Variants in FAM193A observed in about 807,000 individuals in gnomAD.
FAM193A encodes the protein protein FAM193A.
FAM193A carries 22 observed loss-of-function variants against 126.5 expected under a neutral mutation model. That is an observed-to-expected ratio of 0.17 (90% CI 0.12 to 0.25). The LOEUF (loss-of-function observed/expected upper bound fraction) is 0.25, where lower values mean the gene tolerates loss of function less well. FAM193A is among the 10% of genes least tolerant of loss of function. The pLI is 1.00. For synonymous variants in FAM193A, 761 were observed against 646.8 expected, an observed-to-expected ratio of 1.18 and a Z score of -2.68; for missense variants, 1,675 against 1,672.8, an observed-to-expected ratio of 1.00 and a Z score of -0.02.
At chr4:2,707,098 G>A (rs966089741) in intron 19 of FAM193A, among the ~76,000 whole-genome samples, 1 of 151,968 alleles carries the variant, frequency 6.6e-6, no homozygotes, top group Non-Finnish European at 1.5e-5. Flanking sequence ...CTCCAGCCGA[G>A]GCAACAGAGT....
At chr4:2,612,749 A>G (rs1456761707) in intron 2 of FAM193A, among the ~76,000 whole-genome samples, 1 of 152,198 alleles carries the variant, frequency 6.6e-6, no homozygotes, top group Non-Finnish European at 1.5e-5. Flanking sequence ...GTATGGATCT[A>G]TTATTGGATG....
chr4:2,700,266 C>G lies in FAM193A; in HGVS notation c.4094C>G (p.Ser1365Cys). The G allele has an allele frequency of 6.2e-7, 1 of 1,614,040 alleles. No individual in the cohort carries two copies. Among genetic ancestry groups the G allele is most frequent in the Non-Finnish European group, 8.5e-7 (1 of 1,180,014 alleles). The change falls in exon 19 of 21, where the codon TCC becomes TGC. Residue 1365 changes from serine (S) to cysteine (C), a missense_variant. This residue lies in a region of FAM193A where 415 missense variants were observed against 396.7 expected (regional missense o/e 1.05). Coordinates refer to ENST00000637812, the MANE Select transcript of FAM193A (RefSeq NM_001366318.2). ...TEPPKATEGQ[S>C]KPRAQTESKA... is the part of the protein sequence containing the mutation. ...CCCCCCAAGGCCACAGAGGGGCAGT[C>G]CAAGCCCCGGGCCCAGACTGAGTCA...
chr4:2,609,908 A>G (rs569496109), intron 2 of FAM193A, among the ~76,000 whole-genome samples: 1 of 150,066 alleles, frequency 6.7e-6, no homozygotes, highest in South Asian at 2.1e-4. Flanking sequence ...CAGCCTAATG[A>G]CAGAGCGAGA....
At chr4:2,672,429 T>A in intron 13 of FAM193A, 57 bp downstream of exon 13, 1 of 1,583,776 alleles carries the variant, frequency 6.3e-7, no homozygotes. Context: ...CCTACAGGAG[T>A]ACATAGTCAA....
chr4:2,562,654 G>C (rs1377681426), intron 1 of FAM193A, among the ~76,000 whole-genome samples: 1 of 149,640 alleles, frequency 6.7e-6, no homozygotes, highest in South Asian at 2.1e-4. Flanking sequence ...TTTTTTAGAC[G>C]GAGTCTTGCT....
At chr4:2,602,806 G>A (rs1442689556) in intron 2 of FAM193A, among the ~76,000 whole-genome samples, 2 of 150,520 alleles carry the variant, frequency 1.3e-5, no homozygotes, top group Non-Finnish European at 1.5e-5. Flanking sequence ...GACTACAGGC[G>A]CCCACCACCA....
intron 2 of FAM193A, among the ~76,000 whole-genome samples, chr4:2,605,879 G>A (rs1480407837): frequency 1.4e-5 from 2 of 139,514 alleles, no homozygotes; most frequent in East Asian, 2.3e-4. Flanking sequence ...GCTGAGGCAG[G>A]AGAATCACTT....
chr4:2,561,695 C>T (rs1009363098), intron 1 of FAM193A, among the ~76,000 whole-genome samples: 10 of 151,812 alleles, frequency 6.6e-5, no homozygotes, highest in South Asian at 2.1e-4. Context: ...CGGGGTTTCA[C>T]CGTGTTGGCC....
intron 1 of FAM193A, among the ~76,000 whole-genome samples, chr4:2,584,605 TAC>T (rs1366262337): frequency 2.0e-5 from 3 of 152,140 alleles, no homozygotes; most frequent in African/African-American, 7.2e-5. Flanking sequence ...ACTACTCGAT[TAC>T]AGTTTCCTTT....
intron 2 of FAM193A, among the ~76,000 whole-genome samples, chr4:2,603,226 C>G (rs1014932950): frequency 6.7e-6 from 1 of 149,946 alleles, no homozygotes; most frequent in South Asian, 2.1e-4. Context: ...GTCTCGTGAC[C>G]TGCCCACCTC....
At chr4:2,683,928 G>T (rs537410136) in intron 13 of FAM193A, among the ~76,000 whole-genome samples, 1 of 152,268 alleles carries the variant, frequency 6.6e-6, no homozygotes, top group Non-Finnish European at 1.5e-5. Context: ...GCAGCTCCCT[G>T]ACTCTTTCCT....
chr4:2,699,740 G>A lies in FAM193A; in HGVS notation c.3568G>A (p.Glu1190Lys), dbSNP rs1461301172. The A allele has an allele frequency of 6.2e-7, 1 of 1,613,962 alleles. No homozygotes were observed. The highest frequency in any genetic ancestry group is 8.5e-7 in the Non-Finnish European group (1 of 1,179,992). Residue 1190 changes from glutamate (E) to lysine (K), a missense_variant, in exon 19 of 21, where the codon GAG (glutamate) becomes AAG (lysine). Around this residue, in one of 4 missense-constraint regions of FAM193A, gnomAD observed 415 missense variants for 396.7 expected, o/e 1.05. Transcript: ENST00000637812. ...ARAREHLHLQEEQRRREEEED... is the reference protein window; with the variant it reads ...ARAREHLHLQKEQRRREEEED... ...GGCCCGGGAGCACCTGCACCTCCAGGAGGAGCAGAGGCGGCGGGAGGAGGA... is the reference window on the plus strand; with the variant it reads ...GGCCCGGGAGCACCTGCACCTCCAGAAGGAGCAGAGGCGGCGGGAGGAGGA...
chr4:2,541,756 T>C (rs756779895), intron 1 of FAM193A, among the ~76,000 whole-genome samples: 27 of 152,268 alleles, frequency 1.8e-4, no homozygotes, highest in Non-Finnish European at 3.2e-4. Flanking sequence ...TTGTGTACTA[T>C]TGAGTTGTGT....
At chr4:2,541,323 ACT>A (rs1163573041) in intron 1 of FAM193A, among the ~76,000 whole-genome samples, 2 of 152,078 alleles carry the variant, frequency 1.3e-5, no homozygotes, top group East Asian at 1.9e-4. Context: ...CAAAAGCGAA[ACT>A]CTGTCTCAAA....
chr4:2,632,947 G>A (rs940161656), intron 5 of FAM193A, among the ~76,000 whole-genome samples: 1 of 152,232 alleles, frequency 6.6e-6, no homozygotes, highest in Non-Finnish European at 1.5e-5. Flanking sequence ...GACTCTGGTA[G>A]TGAAGACAGC....
At chr4:2,597,194 C>T (rs769868710) in intron 2 of FAM193A, among the ~76,000 whole-genome samples, 1 of 152,158 alleles carries the variant, frequency 6.6e-6, no homozygotes, top group African/African-American at 2.4e-5. Flanking sequence ...CGGCCCCTCC[C>T]GCATGTCCCG....
chr4:2,552,573 C>T (rs1197441518), intron 1 of FAM193A, among the ~76,000 whole-genome samples: 1 of 152,054 alleles, frequency 6.6e-6, no homozygotes, highest in Non-Finnish European at 1.5e-5. Flanking sequence ...GAGTCTCGCT[C>T]TGTCCCCATG....
At chr4:2,541,518 T>A (rs1737232297) in intron 1 of FAM193A, among the ~76,000 whole-genome samples, 1 of 148,770 alleles carries the variant, frequency 6.7e-6, no homozygotes, top group Non-Finnish European at 1.5e-5. Flanking sequence ...TGATCTTGAC[T>A]CACTGCAACC....
intron 5 of FAM193A, among the ~76,000 whole-genome samples, chr4:2,636,071 CAG>C (rs1184872840): frequency 6.1e-5 from 9 of 147,476 alleles, no homozygotes; most frequent in Non-Finnish European, 1.0e-4. Context: ...TTTTTTGAGA[CAG>C]AGTCTCACTC....
Sources: gnomAD v4.1 joint callset for allele counts (sites outside exome capture counted in the v4.1 genomes callset) on GRCh38, gnomAD v4.1.1 for gene constraint, gnomAD v4.1.1 regional missense constraint, MANE v1.5 for transcripts, NCBI Gene and HGNC (gene_info 2026-07-23, HGNC 2026-07-21) for gene names.